Variants in TRAK1 observed in about 807,000 individuals in gnomAD.
The protein encoded by TRAK1 is trafficking kinesin-binding protein 1.
In TRAK1, 33 loss-of-function variants were observed where a neutral mutation model predicts 92.1. The observed-to-expected ratio is 0.36, with a 90% CI of 0.27 to 0.48. TRAK1 has a LOEUF of 0.48. Ranked by LOEUF, TRAK1 falls within the 20% of genes least tolerant of loss-of-function variation. The pLI is 0.99. For missense variants in TRAK1, 1,123 were observed against 1,257.9 expected, an observed-to-expected ratio of 0.89 and a Z score of 1.62; for synonymous variants, 521 against 517.3, an observed-to-expected ratio of 1.01 and a Z score of -0.10.
intron 4 of TRAK1, among the ~76,000 whole-genome samples, chr3:42,187,731 T>C (rs1339153295): frequency 5.3e-5 from 8 of 152,152 alleles, no homozygotes; most frequent in Non-Finnish European, 1.0e-4. Context: ...CCTCCCAAAA[T>C]GCTGGGTTTA....
rs992543178 is a variant in TRAK1, at chr3:42,225,665, G to A, written c.*1928G>A. 3 of 151,980 alleles carry A rather than the reference G, an allele frequency of 2.0e-5. No individual in the cohort carries two copies. Among genetic ancestry groups the A allele is most frequent in the Non-Finnish European group, 2.9e-5 (2 of 68,012 alleles). The allele number at this position is 151,980 out of a possible 1,614,324, so 9.4% of individuals were successfully genotyped here. A position where few individuals can be genotyped will look rare whatever the true frequency, so the allele number is the denominator to read the frequency against. On this transcript the variant is annotated 3_prime_UTR_variant, in exon 16 of 16. Transcript: ENST00000327628. ...TACTTAGTATAGTAAATAAATAAAC[G>A]GTCAACATTGTGCAACCACTACCAA...
intron 15 of TRAK1, among the ~76,000 whole-genome samples, chr3:42,219,817 G>A (rs1440375014): frequency 1.8e-5 from 2 of 113,296 alleles, no homozygotes; most frequent in African/African-American, 7.0e-5. Context: ...TTTTTTTGAG[G>A]CAGAGTTTTG....
At chr3:42,014,849 T>C (rs1410453045) in intron 1 of TRAK1, among the ~76,000 whole-genome samples, 2 of 152,074 alleles carry the variant, frequency 1.3e-5, no homozygotes, top group East Asian at 3.9e-4. Flanking sequence ...CTTTATTTGC[T>C]TCAAAAGTGT....
chr3:42,119,393 G>C (rs1178666529), intron 1 of TRAK1, among the ~76,000 whole-genome samples: 1 of 152,224 alleles, frequency 6.6e-6, no homozygotes, highest in Non-Finnish European at 1.5e-5. Context: ...AAAATGGTGA[G>C]AAGTTGGTAT....
Position 42,193,213 on chromosome 3 carries a change from T to G in TRAK1, c.900+8T>G. The G allele has an allele frequency of 6.2e-7, 1 of 1,613,770 alleles. No homozygotes were observed. The highest frequency in any genetic ancestry group is 8.5e-7 in the Non-Finnish European group (1 of 1,179,810). ...CAGAAAAAGGCAAAAGCTGTAAGGC[T>G]TCTCTGTTTATCTGGCTGATACAAC... On this transcript the variant is annotated splice_region_variant and intron_variant, in intron 8 of 15. Coordinates refer to ENST00000327628, the MANE Select transcript of TRAK1 (RefSeq NM_001042646.3).
chr3:42,210,048 G>A (rs1205681850), intron 14 of TRAK1, 63 bp downstream of exon 14: 1 of 1,613,730 alleles, frequency 6.2e-7, no homozygotes, highest in Admixed American at 1.7e-5. Flanking sequence ...CCGGCCTCAG[G>A]CTTCCCCAGA....
chr3:42,089,994 T>G (rs1197144964), upstream of TRAK1, among the ~76,000 whole-genome samples: 1 of 152,196 alleles, frequency 6.6e-6, no homozygotes, highest in Admixed American at 6.5e-5. Context: ...TTCAGCACCT[T>G]GGTGAAACTC....
intron 1 of TRAK1, among the ~76,000 whole-genome samples, chr3:42,044,334 G>A (rs577362789): frequency 3.9e-5 from 6 of 152,168 alleles, no homozygotes; most frequent in Non-Finnish European, 7.4e-5. Flanking sequence ...CTAATTTTTT[G>A]TATTCTTGGT....
intron 10 of TRAK1, among the ~76,000 whole-genome samples, chr3:42,196,330 T>C (rs1439088416): frequency 6.6e-6 from 1 of 152,200 alleles, no homozygotes; most frequent in African/African-American, 2.4e-5. Flanking sequence ...TGCACAACTA[T>C]GTTCCCAATT....
At chr3:42,219,307 T>C (rs1710072265) in intron 14 of TRAK1, 187 bp from the exon 15 acceptor site, 1 of 985,214 alleles carries the variant, frequency 1.0e-6, no homozygotes, top group Non-Finnish European at 1.2e-6. Flanking sequence ...AGACCAGTGC[T>C]CAAAATTGTG....
At chr3:42,142,348 CAT>C (rs1452692805) in intron 2 of TRAK1, among the ~76,000 whole-genome samples, 2 of 152,172 alleles carry the variant, frequency 1.3e-5, no homozygotes, top group African/African-American at 2.4e-5. Flanking sequence ...TGTTTGAAAA[CAT>C]GTACGAGTTT....
intron 1 of TRAK1, among the ~76,000 whole-genome samples, chr3:42,075,998 A>G (rs1704138718): frequency 6.6e-6 from 1 of 151,738 alleles, no homozygotes. Context: ...GCCCCTCACC[A>G]CACCCAGCTA....
At chr3:42,125,998 G>A (rs554464251) in intron 2 of TRAK1, among the ~76,000 whole-genome samples, 4 of 151,822 alleles carry the variant, frequency 2.6e-5, no homozygotes, top group Non-Finnish European at 2.9e-5. Flanking sequence ...CTACAGGCGC[G>A]CACCACCATG....
intron 15 of TRAK1, among the ~76,000 whole-genome samples, chr3:42,221,573 T>C (rs1710351366): frequency 6.6e-6 from 1 of 152,184 alleles, no homozygotes; most frequent in Non-Finnish European, 1.5e-5. Flanking sequence ...TTGGTGCCTT[T>C]CTCAGAGTAC....
intron 1 of TRAK1, among the ~76,000 whole-genome samples, chr3:42,123,195 G>A (rs1013460550): frequency 2.0e-5 from 3 of 152,162 alleles, no homozygotes; most frequent in Non-Finnish European, 4.4e-5. Flanking sequence ...CTTTTCTCAC[G>A]AATCCGTATT....
intron 2 of TRAK1, among the ~76,000 whole-genome samples, chr3:42,160,009 G>A (rs1226111263): frequency 6.6e-6 from 1 of 152,168 alleles, no homozygotes; most frequent in Non-Finnish European, 1.5e-5. Context: ...AGGTGGAGAG[G>A]GTCTAGGAGG....
In TRAK1 at chr3:42,176,852, TATA is replaced by T. The variant is rs746962834; in HGVS notation, c.328_330del (p.Asn110del). The stretch of plus-strand genomic sequence containing the variant: ...AAGAGTTGGCCAGATGACTAAGACA[TATA>T]ATGACATAGATGCTGTCACTCGGCT... On this transcript the variant is annotated inframe_deletion, in exon 3 of 16. Transcript: ENST00000327628. The T allele has an allele frequency of 3.7e-6, 6 of 1,614,138 alleles. No homozygotes were observed. The Admixed American group carries it at 5.0e-5, about 13-fold the overall frequency.
chr3:42,026,048 CTCTG>C (rs1039205150), intron 1 of TRAK1, among the ~76,000 whole-genome samples: 47 of 151,868 alleles, frequency 3.1e-4, no homozygotes, highest in African/African-American at 1.1e-3. Context: ...ATCTTTCTCC[CTCTG>C]TCTCTTTCTT....
At chr3:42,217,819 G>A (rs906762569) in intron 14 of TRAK1, 4 of 985,136 alleles carry the variant, frequency 4.1e-6, no homozygotes, top group Non-Finnish European at 4.8e-6. Context: ...GAAGAGAATC[G>A]TGATTGTTTG....
Sources: gnomAD v4.1 joint callset for allele counts (sites outside exome capture counted in the v4.1 genomes callset) on GRCh38, gnomAD v4.1.1 for gene constraint, MANE v1.5 for transcripts, NCBI Gene and HGNC (gene_info 2026-07-23, HGNC 2026-07-21) for gene names.